The following PODN variants were observed in gnomAD, a reference collection of about 807,000 sequenced individuals.
PODN encodes podocan proteoglycan.
In PODN, 40 loss-of-function variants were observed where a neutral mutation model predicts 52.7. The observed-to-expected ratio is 0.76, with a 90% CI of 0.59 to 0.99. The LOEUF is 0.99. Among genes scored for constraint, PODN ranks in the 50% least tolerant of loss-of-function variants. PODN has a pLI of 0.00. For synonymous variants in PODN, 396 were observed against 377.9 expected, an observed-to-expected ratio of 1.05 and a Z score of -0.56; for missense variants, 720 against 815.1, an observed-to-expected ratio of 0.88 and a Z score of 1.42.
At chr1:53,084,175 A>T (rs1405097689) in intron 10 of PODN, among the ~76,000 whole-genome samples, 1 of 151,510 alleles carries the variant, frequency 6.6e-6, no homozygotes, top group Non-Finnish European at 1.5e-5. Context: ...GTCCTCACAC[A>T]GAGTTGGGGT....
At chr1:53,079,550 G>GCCC (rs1644252672) in intron 8 of PODN, among the ~76,000 whole-genome samples, 2 of 152,156 alleles carry the variant, frequency 1.3e-5, no homozygotes, top group Non-Finnish European at 2.9e-5. Flanking sequence ...CACCTCACCA[G>GCCC]TCTGCAGAGG....
rs1453281100 is a variant in PODN, at chr1:53,077,696, G to T, written c.750G>T (p.Leu250=). The T allele has an allele frequency of 1.2e-6, 2 of 1,613,026 alleles. No individual in the cohort carries two copies. Among genetic ancestry groups the T allele is most frequent in the Non-Finnish European group, 1.7e-6 (2 of 1,179,664 alleles). Residue 250 remains leucine, a synonymous_variant, in exon 7 of 11, where the codon CTG becomes CTT. Coordinates refer to ENST00000312553, the MANE Select transcript of PODN (RefSeq NM_153703.5). ...LYKLHLKNNK[L]EKIPPGAFSE... is the part of the protein sequence containing the mutation. ...CTTCCATCCCCCAGAACAACAAGCT[G>T]GAGAAGATCCCCCCGGGGGCCTTCA...
chr1:53,075,807 A>C, intron 4 of PODN, 55 bp from the exon 5 acceptor site: 1 of 1,456,756 alleles, frequency 6.9e-7, no homozygotes, highest in Non-Finnish European at 9.4e-7. Context: ...AGTGGGACCC[A>C]CAGCTGGCCT....
At chr1:53,063,949 C>A (rs1006088516) in intron 1 of PODN, among the ~76,000 whole-genome samples, 1 of 152,142 alleles carries the variant, frequency 6.6e-6, no homozygotes, top group African/African-American at 2.4e-5. Context: ...TCTCCTCTAG[C>A]CCCACCCCTA....
chr1:53,078,819 C>T lies in PODN; in HGVS notation c.1309C>T (p.Leu437=), dbSNP rs1238697881. 1 of 1,612,942 alleles carries T rather than the reference C, an allele frequency of 6.2e-7. No individual in the cohort carries two copies. The highest frequency in any genetic ancestry group is 8.5e-7 in the Non-Finnish European group (1 of 1,179,780). ...GCTGCGCCTGCTGCGCTCGCTGGACCTGTCGGGCAACCGGCTGCACACGCT... is the reference window on the plus strand; with the variant it reads ...GCTGCGCCTGCTGCGCTCGCTGGACTTGTCGGGCAACCGGCTGCACACGCT... The part of the protein sequence containing the change: ...RKLRLLRSLD[L]SGNRLHTLPP... Residue 437 remains leucine, a synonymous_variant, in exon 8 of 11, where the codon CTG becomes TTG. Transcript: ENST00000312553.
At chr1:53,072,625 T>G (rs750818569) in intron 3 of PODN, among the ~76,000 whole-genome samples, 23 of 152,222 alleles carry the variant, frequency 1.5e-4, no homozygotes, top group Non-Finnish European at 2.9e-4. Context: ...TTCTACTCCT[T>G]GGACTTGAGA....
At chr1:53,070,543 T>G (rs1644102268) in intron 2 of PODN, among the ~76,000 whole-genome samples, 1 of 152,230 alleles carries the variant, frequency 6.6e-6, no homozygotes, top group Admixed American at 6.5e-5. Flanking sequence ...AAAGTAGACC[T>G]GACAGAATAC....
intron 1 of PODN, among the ~76,000 whole-genome samples, chr1:53,066,431 T>A (rs1644034039): frequency 6.6e-6 from 1 of 152,244 alleles, no homozygotes; most frequent in South Asian, 2.1e-4. Context: ...TCCTACATTA[T>A]TTTTTTGTAC....
intron 1 of PODN, among the ~76,000 whole-genome samples, 161 bp downstream of exon 1, chr1:53,062,469 G>C (rs1643972088): frequency 6.6e-6 from 1 of 151,490 alleles, no homozygotes; most frequent in Non-Finnish European, 1.5e-5. Flanking sequence ...GGCACGGCCG[G>C]AGATCTCCTC....
In PODN at chr1:53,075,981, C is replaced by T. The variant is rs568302831; in HGVS notation, c.581+10C>T. Reference sequence around the variant, plus strand: ...AGAAGCCAAACTTGAGGTCAGAGGTCGGGGGTGGTCAGGGCTCGGGCTGGG... The same window carrying T: ...AGAAGCCAAACTTGAGGTCAGAGGTTGGGGGTGGTCAGGGCTCGGGCTGGG... On this transcript the variant is annotated intron_variant, in intron 5 of 10. Coordinates refer to ENST00000312553, the MANE Select transcript of PODN (RefSeq NM_153703.5). The T allele has an allele frequency of 2.7e-5, 43 of 1,564,332 alleles. No individual in the cohort carries two copies. Among genetic ancestry groups the T allele is most frequent in the East Asian group, 4.7e-5 (2 of 42,984 alleles).
Position 53,071,603 on chromosome 1 carries a change from G to T in PODN, c.381G>T (p.Leu127=). The change falls in exon 3 of 11, where the codon CTG becomes CTT. Residue 127 remains leucine, a synonymous_variant. Coordinates refer to ENST00000312553, the MANE Select transcript of PODN (RefSeq NM_153703.5). ...SRLHRLETLN[L]QNNRLTSRGL... is the part of the protein sequence containing the mutation. The stretch of plus-strand genomic sequence containing the variant: ...TGCACCGGCTGGAGACGCTGAACCT[G>T]CAAAACAACCGCCTGACTTCCCGAG... 1 of 1,613,806 alleles carries T rather than the reference G, an allele frequency of 6.2e-7. No individual in the cohort carries two copies. The highest frequency in any genetic ancestry group is 8.5e-7 in the Non-Finnish European group (1 of 1,179,920).
Position 53,072,038 on chromosome 1 carries a change from G to C in PODN, c.406+410G>C, listed in dbSNP as rs182098418. Among the ~76,000 whole-genome samples, 375 of 149,020 alleles carry C rather than the reference G, an allele frequency of 2.5e-3. 1 individual carries two copies. Among genetic ancestry groups the C allele is most frequent in the Middle Eastern group, 0.018 (5 of 272 alleles). On this transcript the variant is annotated intron_variant, in intron 3 of 10. Coordinates refer to ENST00000312553, the MANE Select transcript of PODN (RefSeq NM_153703.5). Reference sequence around the variant, plus strand: ...TAAGTCATTCATCAATTCCATTACAGGTCATTTGTTTAGTTGAATGTTTAT... The same window carrying C: ...TAAGTCATTCATCAATTCCATTACACGTCATTTGTTTAGTTGAATGTTTAT...
chr1:53,069,768 G>A (rs1372817610), intron 1 of PODN, 33 bp from the exon 2 acceptor site: 3 of 1,537,034 alleles, frequency 2.0e-6, no homozygotes, highest in African/African-American at 1.4e-5. Context: ...CATGACTTTC[G>A]AGGGCCCCAG....
In PODN at chr1:53,080,780, A is replaced by C. The variant is rs769286223; in HGVS notation, c.1565A>C (p.Glu522Ala). 3.0e-5 allele frequency: 48 copies of C among 1,613,976 alleles called. 1 individual carries two copies. In the South Asian group the frequency reaches 5.2e-4, roughly 17 times the overall value. The change falls in exon 9 of 11, where the codon GAG becomes GCG. Residue 522 changes from glutamate (E) to alanine (A), a missense_variant. Physicochemically the swap from Glu to Ala is moderately radical, Grantham distance 107. Coordinates refer to ENST00000312553, the MANE Select transcript of PODN (RefSeq NM_153703.5). ...QLTEIPEGLP[E>A]SLEYLYLQNN... ...ACAGAGATCCCCGAGGGGCTCCCCG[A>C]GTCACTTGAGTACCTGTACCTGCAG... is the stretch of plus-strand genomic sequence containing the variant.
intron 1 of PODN, among the ~76,000 whole-genome samples, chr1:53,067,878 T>C (rs922391197): frequency 7.0e-6 from 1 of 142,848 alleles, no homozygotes; most frequent in Non-Finnish European, 1.5e-5. Flanking sequence ...ATTGCACCAC[T>C]GCACTCCAGC....
chr1:53,073,784 C>T (rs1453662133), intron 3 of PODN: 3 of 152,060 alleles, frequency 2.0e-5, no homozygotes, highest in Non-Finnish European at 4.4e-5. Flanking sequence ...ATTTATGTAC[C>T]GTAGGATTTA....
At chr1:53,069,047 A>G (rs1644072817) in intron 1 of PODN, among the ~76,000 whole-genome samples, 1 of 152,144 alleles carries the variant, frequency 6.6e-6, no homozygotes, top group South Asian at 2.1e-4. Flanking sequence ...GGCTTGACCT[A>G]TACCCAGACA....
intron 4 of PODN, 136 bp downstream of exon 4, chr1:53,074,806 GT>G: frequency 2.0e-6 from 1 of 508,056 alleles, no homozygotes; most frequent in South Asian, 1.7e-5. Flanking sequence ...ATGGCCCTGG[GT>G]CGGGGGTGGG....
chr1:53,072,781 C>T (rs1469279317), intron 3 of PODN, among the ~76,000 whole-genome samples: 1 of 152,238 alleles, frequency 6.6e-6, no homozygotes, highest in Non-Finnish European at 1.5e-5. Flanking sequence ...TCTAACTAGG[C>T]CGGGCGCGGT....
Sources: gnomAD v4.1 joint callset for allele counts (sites outside exome capture counted in the v4.1 genomes callset) on GRCh38, gnomAD v4.1.1 for gene constraint, MANE v1.5 for transcripts, NCBI Gene and HGNC (gene_info 2026-07-23, HGNC 2026-07-21) for gene names.